DOCK3: variants seen among roughly 807,000 people sequenced by gnomAD.
DOCK3 encodes dedicator of cytokinesis protein 3.
Under a neutral mutation model 265.6 loss-of-function variants are expected in DOCK3, and 60 were observed. The observed-to-expected ratio is 0.23, with a 90% CI of 0.18 to 0.28. The LOEUF (loss-of-function observed/expected upper bound fraction) is 0.28, where lower values mean the gene tolerates loss of function less well. Ranked by LOEUF, DOCK3 falls within the 10% of genes least tolerant of loss-of-function variation. DOCK3 has a pLI of 1.00. For missense variants in DOCK3, 1,981 were observed against 2,594.3 expected, an observed-to-expected ratio of 0.76 and a Z score of 5.14; for synonymous variants, 881 against 938.0, an observed-to-expected ratio of 0.94 and a Z score of 1.11.
intron 27 of DOCK3, among the ~76,000 whole-genome samples, chr3:51,297,886 C>A (rs530909069): frequency 7.2e-5 from 11 of 152,078 alleles, no homozygotes; most frequent in African/African-American, 2.7e-4. Flanking sequence ...ATTCAAGAGA[C>A]TGAGGCAGGA....
intron 32 of DOCK3, 63 bp from the exon 33 acceptor site, chr3:51,330,075 A>G: frequency 4.7e-6 from 7 of 1,503,310 alleles, no homozygotes; most frequent in Non-Finnish European, 6.3e-6. Flanking sequence ...CACCACAGGA[A>G]CTGGATTTCC....
chr3:50,856,827 A>G (rs1050918540), intron 3 of DOCK3, among the ~76,000 whole-genome samples: 28 of 152,050 alleles, frequency 1.8e-4, no homozygotes, highest in African/African-American at 6.5e-4. Flanking sequence ...TTTGTCATCT[A>G]TGGCTCTTAT....
chr3:51,347,485 T>G (rs1203108692), intron 38 of DOCK3, among the ~76,000 whole-genome samples: 1 of 152,232 alleles, frequency 6.6e-6, no homozygotes, highest in African/African-American at 2.4e-5. Flanking sequence ...TCTGTTCTGT[T>G]CCGTTGGTCC....
intron 2 of DOCK3, among the ~76,000 whole-genome samples, chr3:50,803,068 T>G (rs955227649): frequency 7.9e-5 from 12 of 151,134 alleles, no homozygotes; most frequent in Admixed American, 5.9e-4. Context: ...ATTTATTTAT[T>G]TATTTATTTA....
intron 7 of DOCK3, among the ~76,000 whole-genome samples, chr3:51,083,920 G>A (rs1381823505): frequency 6.6e-6 from 1 of 152,132 alleles, no homozygotes; most frequent in Non-Finnish European, 1.5e-5. Flanking sequence ...GGAGGCGAAG[G>A]TTGCAGTGAG....
intron 27 of DOCK3, among the ~76,000 whole-genome samples, chr3:51,284,911 G>A (rs927098990): frequency 6.6e-6 from 1 of 152,200 alleles, no homozygotes; most frequent in African/African-American, 2.4e-5. Flanking sequence ...CCAAGAGGTA[G>A]ACATACAACG....
chr3:51,327,969 A>C (rs1213524778), intron 32 of DOCK3, among the ~76,000 whole-genome samples: 3 of 152,136 alleles, frequency 2.0e-5, no homozygotes, highest in Non-Finnish European at 4.4e-5. Flanking sequence ...GGCATGAGCC[A>C]CCACACCCAG....
chr3:51,348,182 A>ATG (rs2085729014), intron 38 of DOCK3, among the ~76,000 whole-genome samples: 1 of 152,206 alleles, frequency 6.6e-6, no homozygotes, highest in Non-Finnish European at 1.5e-5. Context: ...GCCTTCTCTC[A>ATG]GGCTGTTGCA....
At chr3:50,995,595 T>C (rs941697173) in intron 5 of DOCK3, among the ~76,000 whole-genome samples, 1 of 152,124 alleles carries the variant, frequency 6.6e-6, no homozygotes, top group Middle Eastern at 3.2e-3. Context: ...TGAGAGGTGA[T>C]ATAGGGCAAT....
chr3:50,895,965 G>C (rs1347983699), intron 4 of DOCK3, among the ~76,000 whole-genome samples: 1 of 152,152 alleles, frequency 6.6e-6, no homozygotes, highest in Non-Finnish European at 1.5e-5. Context: ...ATTCTGAACA[G>C]TGCTGCAATA....
At chr3:51,055,562 G>A (rs1380880065) in intron 5 of DOCK3, among the ~76,000 whole-genome samples, 3 of 152,156 alleles carry the variant, frequency 2.0e-5, no homozygotes. Context: ...ATCGAGGACT[G>A]ACTTTAAGTA....
At chr3:50,700,357 A>G (rs1559527691) in intron 1 of DOCK3, among the ~76,000 whole-genome samples, 1 of 152,348 alleles carries the variant, frequency 6.6e-6, no homozygotes, top group East Asian at 1.9e-4. Context: ...ATGCTGTCCA[A>G]CTGTCCAGTG....
At chr3:50,931,852 T>G (rs1177808262) in intron 4 of DOCK3, among the ~76,000 whole-genome samples, 2 of 152,194 alleles carry the variant, frequency 1.3e-5, no homozygotes, top group Non-Finnish European at 2.9e-5. Flanking sequence ...GAGTTTCTCT[T>G]GTTGAGCTGT....
At chr3:50,972,855 G>C (rs2077283216) in intron 5 of DOCK3, among the ~76,000 whole-genome samples, 1 of 149,960 alleles carries the variant, frequency 6.7e-6, no homozygotes, top group Non-Finnish European at 1.5e-5. Flanking sequence ...GATGCCTATA[G>C]CTTTGTTCTC....
In DOCK3 at chr3:50,905,030, A is replaced by C. The variant is rs182356794; in HGVS notation, c.218+14949A>C. Among the ~76,000 whole-genome samples the C allele has an allele frequency of 1.6e-4, 24 of 152,194 alleles. No individual in the cohort carries two copies. The East Asian group carries it at 4.6e-3, about 29-fold the overall frequency. On this transcript the variant is annotated intron_variant, in intron 4 of 52. Coordinates refer to ENST00000266037, the MANE Select transcript of DOCK3 (RefSeq NM_004947.5). ...TTGTTAAATAGGGAATCCTTTCCCC[A>C]TTGCTTGTTTTTCTCAGCTTTGTCA...
intron 1 of DOCK3, among the ~76,000 whole-genome samples, chr3:50,698,455 C>T (rs182562393): frequency 1.7e-4 from 22 of 130,852 alleles, no homozygotes; most frequent in South Asian, 5.1e-4. Context: ...CATTTTTCAT[C>T]GTTATGAATA....
chr3:50,818,751 T>A (rs2106878822), intron 2 of DOCK3, among the ~76,000 whole-genome samples: 1 of 152,270 alleles, frequency 6.6e-6, no homozygotes, highest in South Asian at 2.1e-4. Context: ...GTTTACTATG[T>A]CTTAGAGGTT....
intron 25 of DOCK3, chr3:51,276,499 A>G (rs917987944): frequency 5.5e-6 from 5 of 912,496 alleles, no homozygotes; most frequent in African/African-American, 1.8e-5. Context: ...AGTCAGTGTA[A>G]TTAGTTGCTT....
intron 2 of DOCK3, among the ~76,000 whole-genome samples, chr3:50,836,693 C>G (rs964507121): frequency 1.6e-4 from 25 of 152,232 alleles, no homozygotes; most frequent in Admixed American, 7.9e-4. Flanking sequence ...TGATTAACAT[C>G]TGGCTCCTCA....
Sources: gnomAD v4.1 joint callset for allele counts (sites outside exome capture counted in the v4.1 genomes callset) on GRCh38, gnomAD v4.1.1 for gene constraint, MANE v1.5 for transcripts, NCBI Gene and HGNC (gene_info 2026-07-23, HGNC 2026-07-21) for gene names.